Variants in CCSAP observed in about 807,000 individuals in gnomAD.
The protein encoded by CCSAP is centriole, cilia and spindle associated protein.
CCSAP carries 17 observed loss-of-function variants against 25.9 expected under a neutral mutation model. The observed-to-expected ratio is 0.66, with a 90% CI of 0.45 to 0.99. The LOEUF (loss-of-function observed/expected upper bound fraction) is 0.99, where lower values mean the gene tolerates loss of function less well. Among genes scored for constraint, CCSAP ranks in the 50% least tolerant of loss-of-function variants. The pLI, the probability that CCSAP is intolerant of heterozygous loss-of-function variation, is 0.00. For synonymous variants in CCSAP, 169 were observed against 157.1 expected (o/e 1.08, Z -0.57); for missense variants, 339 against 367.8 (o/e 0.92, Z 0.64).
At position 229,326,770 on chromosome 1, in the gene CCSAP, G is replaced by T; in HGVS notation, c.604C>A (p.His202Asn). 1 of 1,614,222 alleles carries T rather than the reference G, an allele frequency of 6.2e-7. No individual in the cohort carries two copies. The highest frequency in any genetic ancestry group is 8.5e-7 in the Non-Finnish European group (1 of 1,180,048). The change falls in exon 3 of 4, where the codon CAC becomes AAC. Residue 202 changes from histidine to asparagine, a missense_variant. By Grantham distance (68) the His-to-Asn change is moderately conservative. Coordinates refer to ENST00000284617, the MANE Select transcript of CCSAP (RefSeq NM_145257.5). Reference protein sequence around the residue: ...KQTDTGSQKTHNVCASAPVHE... With the variant: ...KQTDTGSQKTNNVCASAPVHE... ...ACAGGAGCGGACGCACAGACGTTGT[G>T]AGTCTTCTGGCTTCCTGTATCGGTC...
chr1:229,333,200 A>T (rs567930924), intron 2 of CCSAP, among the ~76,000 whole-genome samples: 3 of 152,176 alleles, frequency 2.0e-5, no homozygotes, highest in East Asian at 1.9e-4. Flanking sequence ...TGGGAGGCCA[A>T]GGCGGGCAGA....
intron 2 of CCSAP, among the ~76,000 whole-genome samples, chr1:229,334,052 C>T (rs981765208): frequency 4.6e-5 from 7 of 151,930 alleles, no homozygotes; most frequent in African/African-American, 1.7e-4. Flanking sequence ...TTGAGCATAA[C>T]GTTTGCATTA....
intron 2 of CCSAP, 139 bp from the exon 3 acceptor site, chr1:229,327,145 T>C: frequency 1.5e-6 from 1 of 665,552 alleles, no homozygotes; most frequent in Non-Finnish European, 2.4e-6. Context: ...CCACTTAAAG[T>C]AGAAATACAG....
Position 229,323,005 on chromosome 1 carries a change from T to G in CCSAP, c.*2230A>C, listed in dbSNP as rs887119440. On this transcript the variant is annotated 3_prime_UTR_variant, in exon 4 of 4. Coordinates refer to ENST00000284617, the MANE Select transcript of CCSAP (RefSeq NM_145257.5). The stretch of plus-strand genomic sequence containing the variant: ...CATTTCTAGAATGAAAAGAAAGAAT[T>G]AGGACCATCAGACTGTTAACAACTA... 2 of 152,136 alleles carry G rather than the reference T, an allele frequency of 1.3e-5. No individual in the cohort carries two copies. The highest frequency in any genetic ancestry group is 6.6e-5 in the Admixed American group (1 of 15,254). The allele number at this position is 152,136 out of a possible 1,614,324, so 9.4% of individuals were successfully genotyped here.
At chr1:229,332,736 A>G (rs533361513) in intron 2 of CCSAP, among the ~76,000 whole-genome samples, 1 of 152,338 alleles carries the variant, frequency 6.6e-6, no homozygotes, top group Non-Finnish European at 1.5e-5. Flanking sequence ...TTAAAAGTAA[A>G]TAAAATTAAA....
intron 2 of CCSAP, among the ~76,000 whole-genome samples, chr1:229,333,305 T>C (rs748854075): frequency 4.4e-4 from 67 of 151,896 alleles, no homozygotes; most frequent in Middle Eastern, 6.8e-3. Flanking sequence ...TGGTGTCAGG[T>C]GCCTGTAGTC....
intron 2 of CCSAP, among the ~76,000 whole-genome samples, chr1:229,330,959 G>A (rs1204835577): frequency 2.6e-5 from 4 of 152,118 alleles, no homozygotes; most frequent in Non-Finnish European, 5.9e-5. Flanking sequence ...GGAGGTGTGG[G>A]GTGGGGGAAC....
At chr1:229,325,733 A>AT (rs1657925616) in intron 3 of CCSAP, among the ~76,000 whole-genome samples, 1 of 152,284 alleles carries the variant, frequency 6.6e-6, no homozygotes, top group Admixed American at 6.5e-5. Context: ...AGCATTAAAC[A>AT]TAAGTATTTA....
At chr1:229,337,810 T>C (rs1369019900) in intron 2 of CCSAP, among the ~76,000 whole-genome samples, 2 of 149,212 alleles carry the variant, frequency 1.3e-5, no homozygotes, top group Non-Finnish European at 3.0e-5. Flanking sequence ...GCAAGTTTCA[T>C]AGTACTATCA....
chr1:229,339,971 T>C (rs538113538), intron 2 of CCSAP, among the ~76,000 whole-genome samples: 26 of 152,110 alleles, frequency 1.7e-4, no homozygotes, highest in Admixed American at 1.6e-3. Context: ...AACAATCACA[T>C]GTCAATAAAA....
At chr1:229,334,126 A>G (rs1442251931) in intron 2 of CCSAP, among the ~76,000 whole-genome samples, 1 of 152,088 alleles carries the variant, frequency 6.6e-6, no homozygotes, top group African/African-American at 2.4e-5. Context: ...GCTGGAGTGC[A>G]ATGGCACGAT....
chr1:229,329,464 G>C (rs1003595150), intron 2 of CCSAP, among the ~76,000 whole-genome samples: 3 of 152,160 alleles, frequency 2.0e-5, no homozygotes, highest in African/African-American at 2.4e-5. Context: ...GGGAAATAAA[G>C]GCTTTATTTT....
At position 229,328,690 on chromosome 1, in the gene CCSAP, A is replaced by G. The variant is rs193023474; in HGVS notation, c.368-1684T>C. On this transcript the variant is annotated intron_variant, in intron 2 of 3. Transcript: ENST00000284617. ...AGGACAGAATTTTGCCATTACTTTC[A>G]GTTGTGACTCTTGTCTATTTCTACT... Among the ~76,000 whole-genome samples, 1,099 of 152,296 alleles carry G rather than the reference A, an allele frequency of 7.2e-3. 49 individuals carry two copies. Among genetic ancestry groups the G allele is most frequent in the Admixed American group, 0.067 (1,021 of 15,298 alleles).
At chr1:229,330,239 T>C (rs1372585303) in intron 2 of CCSAP, among the ~76,000 whole-genome samples, 3 of 150,816 alleles carry the variant, frequency 2.0e-5, no homozygotes, top group East Asian at 1.9e-4. Flanking sequence ...TCCTCTGACA[T>C]AGGCCCCCTA....
At position 229,342,603 on chromosome 1, in the gene CCSAP, C is replaced by A; in HGVS notation, c.-48-90G>T. 1.9e-6 allele frequency: 1 copy of A among 531,250 alleles called. No homozygotes were observed. The highest frequency in any genetic ancestry group is 2.8e-6 in the Non-Finnish European group (1 of 351,316). The allele number at this position is 531,250 out of a possible 1,614,324, so 32.9% of individuals were successfully genotyped here. ...GTTTAAACCCGGAGCCCCGCCCGGA[C>A]GGGAGCAGGGGGCGGGTCCCGGCGA... is the stretch of plus-strand genomic sequence containing the variant. On this transcript the variant is annotated intron_variant, in intron 1 of 3. Coordinates refer to ENST00000284617, the MANE Select transcript of CCSAP (RefSeq NM_145257.5). The surrounding 1 kb of genome is among the most constrained non-coding windows in gnomAD (Gnocchi z 7.5).
At chr1:229,337,147 T>C (rs965547266) in intron 2 of CCSAP, among the ~76,000 whole-genome samples, 2 of 151,946 alleles carry the variant, frequency 1.3e-5, no homozygotes, top group Admixed American at 1.3e-4. Context: ...TGAAAGAACC[T>C]TCCAGAATGA....
rs536670732 is a variant in CCSAP, at chr1:229,325,823, A to G, written c.637-412T>C. Among the ~76,000 whole-genome samples, 12 of 152,354 alleles carry G rather than the reference A, an allele frequency of 7.9e-5. No homozygotes were observed. In the South Asian group the frequency reaches 8.3e-4, roughly 11 times the overall value. On this transcript the variant is annotated intron_variant, in intron 3 of 3. Transcript: ENST00000284617. Reference sequence around the variant, plus strand: ...TGTTTAACATCAGTATACCAAAGACATCTCGAGATTTTACCACCTAAGATG... The same window carrying G: ...TGTTTAACATCAGTATACCAAAGACGTCTCGAGATTTTACCACCTAAGATG...
chr1:229,332,687 A>C (rs1482816476), intron 2 of CCSAP, among the ~76,000 whole-genome samples: 1 of 152,174 alleles, frequency 6.6e-6, no homozygotes, highest in East Asian at 1.9e-4. Context: ...ATAGCCATGA[A>C]CCACACGTGG....
intron 2 of CCSAP, among the ~76,000 whole-genome samples, chr1:229,335,475 G>C (rs1218238881): frequency 1.3e-5 from 2 of 152,162 alleles, no homozygotes; most frequent in Non-Finnish European, 2.9e-5. Context: ...TTGAGAGTTG[G>C]GATCCACGGG....
Sources: gnomAD v4.1 joint callset for allele counts (sites outside exome capture counted in the v4.1 genomes callset) on GRCh38, gnomAD v4.1.1 for gene constraint, Gnocchi (gnomAD v3.1) non-coding constraint, MANE v1.5 for transcripts, NCBI Gene and HGNC (gene_info 2026-07-23, HGNC 2026-07-21) for gene names.